Variants in PRUNE2 observed in about 807,000 individuals in gnomAD.
The protein encoded by PRUNE2 is prune homolog 2 with BCH domain, also known as protein prune homolog 2.
A neutral mutation model predicts 252.0 loss-of-function variants in PRUNE2; 164 were observed. That is an observed-to-expected ratio of 0.65 (90% CI 0.57 to 0.74). The LOEUF (loss-of-function observed/expected upper bound fraction) is 0.74, where lower values mean the gene tolerates loss of function less well. PRUNE2 is among the 30% of genes least tolerant of loss of function. The pLI, the probability that PRUNE2 is intolerant of heterozygous loss-of-function variation, is 0.00. For synonymous variants in PRUNE2, 1,292 were observed against 1,350.2 expected, an observed-to-expected ratio of 0.96 and a Z score of 0.94; for missense variants, 3,495 against 3,711.0, an observed-to-expected ratio of 0.94 and a Z score of 1.51.
chr9:76,618,729 G>A (rs919299738), intron 18 of PRUNE2, among the ~76,000 whole-genome samples: 5 of 152,160 alleles, frequency 3.3e-5, no homozygotes, highest in African/African-American at 7.2e-5. Context: ...TGGTCAGATC[G>A]TCTCTCCATG....
Position 76,710,346 on chromosome 9 carries a change from T to A in PRUNE2, c.1928A>T (p.His643Leu). ...DMTQKATDTG[H>L]MGPPQTHARC... ...TGCATGGGTCTGAGGTGGCCCCATG[T>A]GACCTGTGTCAGTTGCTTTTTGGGT... The change falls in exon 8 of 19, where the codon CAC becomes CTC. Residue 643 changes from histidine to leucine, a missense_variant. Physicochemically the swap from His to Leu is moderately conservative, Grantham distance 99 (BLOSUM62 -3). Transcript: ENST00000376718. 1 of 1,614,056 alleles carries A rather than the reference T, an allele frequency of 6.2e-7. No individual in the cohort carries two copies. The highest frequency in any genetic ancestry group is 8.5e-7 in the Non-Finnish European group (1 of 1,179,892).
At chr9:76,615,809 C>T (rs1197781201) in intron 18 of PRUNE2, among the ~76,000 whole-genome samples, 2 of 114,794 alleles carry the variant, frequency 1.7e-5, no homozygotes, top group Non-Finnish European at 3.3e-5. Context: ...CTTGCTCTGT[C>T]GCCATGCTGG....
chr9:76,838,564 G>A (rs1229770758), intron 4 of PRUNE2, among the ~76,000 whole-genome samples: 1 of 146,306 alleles, frequency 6.8e-6, no homozygotes, highest in Non-Finnish European at 1.5e-5. Context: ...AGAATTGCTT[G>A]AACCTAGAAG....
chr9:76,755,244 C>T (rs1238893134), intron 6 of PRUNE2, among the ~76,000 whole-genome samples: 1 of 152,140 alleles, frequency 6.6e-6, no homozygotes, highest in East Asian at 1.9e-4. Flanking sequence ...GGGACTTTAT[C>T]ACGTTCACAC....
chr9:76,838,506 A>G (rs570544437), intron 4 of PRUNE2, among the ~76,000 whole-genome samples: 1 of 151,928 alleles, frequency 6.6e-6, no homozygotes, highest in South Asian at 2.1e-4. Flanking sequence ...TTAGTGGGGC[A>G]TGGTGGCAGA....
At chr9:76,642,992 C>A (rs943806462) in intron 12 of PRUNE2, among the ~76,000 whole-genome samples, 1 of 152,084 alleles carries the variant, frequency 6.6e-6, no homozygotes, top group Non-Finnish European at 1.5e-5. Flanking sequence ...AGAATGGAGA[C>A]GAGCAAATGG....
chr9:76,797,363 A>C (rs1419402409), intron 6 of PRUNE2, among the ~76,000 whole-genome samples: 1 of 152,094 alleles, frequency 6.6e-6, no homozygotes, highest in African/African-American at 2.4e-5. Context: ...GATGATAGTC[A>C]AGGGTGAGTT....
chr9:76,842,238 G>A (rs1437417884), intron 4 of PRUNE2, among the ~76,000 whole-genome samples: 5 of 152,150 alleles, frequency 3.3e-5, no homozygotes, highest in African/African-American at 1.2e-4. Context: ...AAGCAATGGG[G>A]AAAGGATTCC....
chr9:76,871,932 T>C (rs998187491), intron 1 of PRUNE2, among the ~76,000 whole-genome samples: 6 of 151,892 alleles, frequency 4.0e-5, no homozygotes, highest in Non-Finnish European at 5.9e-5. Flanking sequence ...TCCAGCCTAG[T>C]TACGACAATT....
At position 76,708,385 on chromosome 9, in the gene PRUNE2, C is replaced by T. The variant is rs1236271059; in HGVS notation, c.3889G>A (p.Ala1297Thr). 1 of 1,613,812 alleles carries T rather than the reference C, an allele frequency of 6.2e-7. No individual in the cohort carries two copies. Residue 1297 changes from alanine to threonine, a missense_variant, in exon 8 of 19, where the codon GCA (alanine) becomes ACA (threonine). By Grantham distance (58) the Ala-to-Thr change is moderately conservative (BLOSUM62 0). Transcript: ENST00000376718. Reference protein sequence around the residue: ...DTERETLQSDAASLATRLENP... With the variant: ...DTERETLQSDTASLATRLENP... The stretch of plus-strand genomic sequence containing the variant: ...TCAAGCCTAGTCGCCAAGGATGCTG[C>T]ATCACTTTGCAGGGTTTCCCTCTCT...
At chr9:76,700,682 C>A (rs757396294) in intron 9 of PRUNE2, among the ~76,000 whole-genome samples, 1 of 152,092 alleles carries the variant, frequency 6.6e-6, no homozygotes, top group Non-Finnish European at 1.5e-5. Context: ...TTTCTTCTGA[C>A]TATAAAAGAA....
At chr9:76,872,851 G>A (rs572588084) in intron 1 of PRUNE2, among the ~76,000 whole-genome samples, 1 of 152,282 alleles carries the variant, frequency 6.6e-6, no homozygotes, top group Non-Finnish European at 1.5e-5. Flanking sequence ...AAATACATAT[G>A]TTGGTGTCCT....
chr9:76,862,385 T>C (rs995931662), intron 1 of PRUNE2: 1 of 152,248 alleles, frequency 6.6e-6, no homozygotes, highest in Non-Finnish European at 1.5e-5. Context: ...GCAGTCTTTT[T>C]CATTTAGCCT....
chr9:76,688,327 G>C (rs2044323843), intron 9 of PRUNE2, among the ~76,000 whole-genome samples: 1 of 152,224 alleles, frequency 6.6e-6, no homozygotes, highest in African/African-American at 2.4e-5. Flanking sequence ...TGATGAATCA[G>C]ATGTGGTTTT....
chr9:76,718,920 T>G (rs2047390956), intron 6 of PRUNE2, among the ~76,000 whole-genome samples: 1 of 152,116 alleles, frequency 6.6e-6, no homozygotes, highest in South Asian at 2.1e-4. Context: ...TTTCCTCATC[T>G]CTCACGTAAT....
chr9:76,635,363 G>T (rs1237355847), intron 15 of PRUNE2, among the ~76,000 whole-genome samples: 1 of 152,088 alleles, frequency 6.6e-6, no homozygotes, highest in Admixed American at 6.6e-5. Context: ...CTACTCAATT[G>T]AAGATAAATT....
At chr9:76,878,732 A>T (rs1177084530) in intron 1 of PRUNE2, among the ~76,000 whole-genome samples, 1 of 152,192 alleles carries the variant, frequency 6.6e-6, no homozygotes, top group Non-Finnish European at 1.5e-5. Context: ...AAACTTAAAA[A>T]AATCCTACTA....
At chr9:76,698,051 A>ATT (rs33999796) in intron 9 of PRUNE2, among the ~76,000 whole-genome samples, 2 of 146,814 alleles carry the variant, frequency 1.4e-5, no homozygotes, top group Non-Finnish European at 3.0e-5. Context: ...AATGTAAAGG[A>ATT]TTTTTTTTTT....
At chr9:76,843,782 G>A (rs947379182) in intron 4 of PRUNE2, among the ~76,000 whole-genome samples, 1 of 147,076 alleles carries the variant, frequency 6.8e-6, no homozygotes, top group Non-Finnish European at 1.5e-5. Context: ...AGGCTGGAGT[G>A]CAATGGTGAG....
Sources: allele counts gnomAD v4.1 joint callset (sites outside exome capture counted in the v4.1 genomes callset), GRCh38; gene constraint gnomAD v4.1.1; transcripts MANE v1.5; gene names NCBI Gene and HGNC (gene_info 2026-07-23, HGNC 2026-07-21).